Variants in COL13A1 observed in about 807,000 individuals in gnomAD.
COL13A1 encodes collagen type XIII alpha 1 chain, also known as collagen alpha-1(XIII) chain.
A neutral mutation model predicts 130.9 loss-of-function variants in COL13A1; 89 were observed. The ratio of observed to expected loss-of-function variants is 0.68; its 90% CI spans 0.57 to 0.81. COL13A1 has a LOEUF of 0.81. Ranked by LOEUF, COL13A1 falls within the 30% of genes least tolerant of loss-of-function variation. The pLI, the probability that COL13A1 is intolerant of heterozygous loss-of-function variation, is 0.00. For synonymous variants in COL13A1, 402 were observed against 341.6 expected, an observed-to-expected ratio of 1.18 and a Z score of -1.95; for missense variants, 879 against 934.6, an observed-to-expected ratio of 0.94 and a Z score of 0.78.
chr10:69,931,084 C>T, intron 30 of COL13A1: 1 of 439,280 alleles, frequency 2.3e-6, no homozygotes, highest in South Asian at 1.6e-5. Flanking sequence ...GAGCCACATC[C>T]TGTGCAGGCC....
intron 2 of COL13A1, among the ~76,000 whole-genome samples, chr10:69,845,144 T>C (rs1852656414): frequency 6.6e-6 from 1 of 152,132 alleles, no homozygotes; most frequent in South Asian, 2.1e-4. Flanking sequence ...CTGTGCTTTC[T>C]TGCTGAGCCT....
In COL13A1 at chr10:69,802,718, G is replaced by T; in HGVS notation, c.294+1G>T. On this transcript the variant is annotated splice_donor_variant, in intron 1 of 40. Coordinates refer to ENST00000645393, the MANE Select transcript of COL13A1 (RefSeq NM_001368882.1). LOFTEE classifies it high-confidence loss of function. ...ACGAGTCAATCAACTGCTGGACGAGGTCTGTGCTCTTTGTTGCTGGCTTTT... is the reference window on the plus strand; with the variant it reads ...ACGAGTCAATCAACTGCTGGACGAGTTCTGTGCTCTTTGTTGCTGGCTTTT... 1 of 1,610,898 alleles carries T rather than the reference G, an allele frequency of 6.2e-7. No individual in the cohort carries two copies. The highest frequency in any genetic ancestry group is 8.5e-7 in the Non-Finnish European group (1 of 1,178,662).
In COL13A1 at chr10:69,805,421, C is replaced by T. The variant is rs567905089; in HGVS notation, c.294+2704C>T. On this transcript the variant is annotated intron_variant, in intron 1 of 40. Transcript: ENST00000645393. ...TCCCACAGGTGGATGGCGTGAGTGG[C>T]CTTATCTGTGGGGGCCTTGTCTGTG... Among the ~76,000 whole-genome samples, 13 of 152,258 alleles carry T rather than the reference C, an allele frequency of 8.5e-5. No individual in the cohort carries two copies. The South Asian group carries it at 2.5e-3, about 29-fold the overall frequency.
chr10:69,929,926 A>G, intron 28 of COL13A1, 117 bp from the exon 29 acceptor site: 1 of 854,810 alleles, frequency 1.2e-6, no homozygotes. Context: ...GTTAGAATTA[A>G]ATGAGCAAAC....
At chr10:69,889,299 G>A in intron 9 of COL13A1, 115 bp from the exon 10 acceptor site, 1 of 1,237,322 alleles carries the variant, frequency 8.1e-7, no homozygotes. Flanking sequence ...AGGGGACAGG[G>A]AGGAGCACGG....
chr10:69,879,589 C>T (rs2059930425), intron 6 of COL13A1, among the ~76,000 whole-genome samples: 1 of 152,200 alleles, frequency 6.6e-6, no homozygotes, highest in Non-Finnish European at 1.5e-5. Context: ...CCTCGCCTGC[C>T]TGTAAGGTAT....
At chr10:69,896,611 T>C (rs2061670137) in intron 13 of COL13A1, among the ~76,000 whole-genome samples, 1 of 152,204 alleles carries the variant, frequency 6.6e-6, no homozygotes, top group Non-Finnish European at 1.5e-5. Context: ...TCTAGAAGGC[T>C]GTCAGGAGGG....
chr10:69,855,372 C>CA (rs1164863177), intron 2 of COL13A1, among the ~76,000 whole-genome samples: 4 of 152,158 alleles, frequency 2.6e-5, no homozygotes, highest in Non-Finnish European at 4.4e-5. Flanking sequence ...GGACTAATGA[C>CA]AGAGCTGCTT....
intron 13 of COL13A1, chr10:69,897,614 G>C (rs901445730): frequency 2.1e-5 from 32 of 1,489,758 alleles, no homozygotes; most frequent in Non-Finnish European, 2.8e-5. Flanking sequence ...ACATCCCCAG[G>C]CCCCGGCAGT....
rs77409900 is a variant in COL13A1 at position 69,803,199 on chromosome 10, C to T, written c.294+482C>T. On this transcript the variant is annotated intron_variant, in intron 1 of 40. Coordinates refer to ENST00000645393, the MANE Select transcript of COL13A1 (RefSeq NM_001368882.1). Reference sequence around the variant, plus strand: ...GTGCGGGGAGAGGGGACAGTTCTTGCAGGGGGTGGTGCCCTGGTCTCTGCT... The same window carrying T: ...GTGCGGGGAGAGGGGACAGTTCTTGTAGGGGGTGGTGCCCTGGTCTCTGCT... Among the ~76,000 whole-genome samples, 936 of 152,338 alleles carry T rather than the reference C, an allele frequency of 6.1e-3. 8 individuals carry two copies. The highest frequency in any genetic ancestry group is 0.021 in the African/African-American group (893 of 41,588).
intron 8 of COL13A1, among the ~76,000 whole-genome samples, chr10:69,887,892 T>A (rs2060757624): frequency 6.6e-6 from 1 of 152,144 alleles, no homozygotes; most frequent in Non-Finnish European, 1.5e-5. Flanking sequence ...TGGGTGTCCT[T>A]GACCTCTGCT....
chr10:69,871,377 C>T, intron 3 of COL13A1, among the ~76,000 whole-genome samples: 1 of 152,084 alleles, frequency 6.6e-6, no homozygotes, highest in South Asian at 2.1e-4. Flanking sequence ...CAGGAAAGTC[C>T]CTACCTCAGG....
At chr10:69,824,584 C>T (rs1847023763) in intron 2 of COL13A1, among the ~76,000 whole-genome samples, 1 of 152,062 alleles carries the variant, frequency 6.6e-6, no homozygotes, top group African/African-American at 2.4e-5. Flanking sequence ...ACCCACTGGT[C>T]CTGGGCAGTG....
intron 2 of COL13A1, among the ~76,000 whole-genome samples, chr10:69,835,562 C>A (rs1022069869): frequency 1.1e-4 from 16 of 152,182 alleles, no homozygotes; most frequent in African/African-American, 3.6e-4. Context: ...TTCACTGCAC[C>A]CTCCCACCAG....
chr10:69,844,566 G>A (rs1852488661), intron 2 of COL13A1, among the ~76,000 whole-genome samples: 1 of 152,178 alleles, frequency 6.6e-6, no homozygotes, highest in African/African-American at 2.4e-5. Context: ...AGGATTAAAA[G>A]AGTTAATACA....
At chr10:69,804,407 G>A (rs190644829) in intron 1 of COL13A1, among the ~76,000 whole-genome samples, 1 of 152,190 alleles carries the variant, frequency 6.6e-6, no homozygotes, top group East Asian at 1.9e-4. Context: ...TACTCTAGGG[G>A]CCTTGGGGCT....
intron 2 of COL13A1, among the ~76,000 whole-genome samples, chr10:69,832,872 C>G (rs949702801): frequency 1.4e-4 from 22 of 152,362 alleles, no homozygotes; most frequent in Non-Finnish European, 2.6e-4. Flanking sequence ...CGGGCATCCT[C>G]TCTCCACATC....
At chr10:69,958,590 A>G in intron 40 of COL13A1, 109 bp from the exon 41 acceptor site, 14 of 1,563,628 alleles carry the variant, frequency 9.0e-6, no homozygotes, top group Non-Finnish European at 1.2e-5. Context: ...TCTCCTGTCC[A>G]GAACTCCCAT....
intron 1 of COL13A1, among the ~76,000 whole-genome samples, chr10:69,806,070 T>C (rs1237101089): frequency 6.6e-6 from 1 of 152,230 alleles, no homozygotes; most frequent in African/African-American, 2.4e-5. Flanking sequence ...CCTGCCTCCC[T>C]CCTGGGATTG....
Sources: allele counts gnomAD v4.1 joint callset (sites outside exome capture counted in the v4.1 genomes callset), GRCh38; gene constraint gnomAD v4.1.1; transcripts MANE v1.5; gene names NCBI Gene and HGNC (gene_info 2026-07-23, HGNC 2026-07-21).